The following RBFOX1 variants were observed in gnomAD, a reference collection of about 807,000 sequenced individuals.
The protein encoded by RBFOX1 is RNA binding fox-1 homolog 1, also known as RNA binding protein fox-1 homolog 1.
RBFOX1 carries 8 observed loss-of-function variants against 57.7 expected under a neutral mutation model. That is an observed-to-expected ratio of 0.14 (90% CI 0.08 to 0.25). RBFOX1 has a LOEUF of 0.25. Among genes scored for constraint, RBFOX1 ranks in the 10% least tolerant of loss-of-function variants. RBFOX1 has a pLI of 1.00. For synonymous variants in RBFOX1, 326 were observed against 222.4 expected (o/e 1.47, Z -4.15); for missense variants, 611 against 548.5 (o/e 1.11, Z -1.14).
chr16:6,099,505 T>A (rs1188976770), intron 1 of RBFOX1, among the ~76,000 whole-genome samples: 1 of 152,202 alleles, frequency 6.6e-6, no homozygotes, highest in Non-Finnish European at 1.5e-5. Flanking sequence ...GAATGCTGAT[T>A]GCTGATTGCC....
intron 4 of RBFOX1, among the ~76,000 whole-genome samples, chr16:5,910,959 T>C (rs903415376): frequency 1.3e-5 from 2 of 152,156 alleles, no homozygotes; most frequent in Non-Finnish European, 2.9e-5. Flanking sequence ...GGGATCAAGC[T>C]TCGTTTACCC....
chr16:6,140,937 A>G (rs548392772), intron 1 of RBFOX1, among the ~76,000 whole-genome samples: 1 of 152,302 alleles, frequency 6.6e-6, no homozygotes, highest in African/African-American at 2.4e-5. Context: ...CCAGTGGTCA[A>G]TGTGTAGTCT....
chr16:5,290,587 A>T (rs1012321847), intron 1 of RBFOX1, among the ~76,000 whole-genome samples: 10 of 152,344 alleles, frequency 6.6e-5, no homozygotes, highest in African/African-American at 2.4e-4. Context: ...TCTTCCTTGA[A>T]GAGATGACAC....
At chr16:7,499,301 C>T (rs1009065833) in intron 4 of RBFOX1, among the ~76,000 whole-genome samples, 1 of 152,136 alleles carries the variant, frequency 6.6e-6, no homozygotes, top group Admixed American at 6.5e-5. Context: ...GTATGCATAT[C>T]TGTGTCCACA....
chr16:5,668,074 A>C (rs530720437), intron 3 of RBFOX1, among the ~76,000 whole-genome samples: 33 of 152,304 alleles, frequency 2.2e-4, no homozygotes, highest in African/African-American at 7.5e-4. Context: ...AAAGGCCAGG[A>C]ATTCAGGACC....
chr16:6,993,718 G>C (rs1468866523), intron 3 of RBFOX1, among the ~76,000 whole-genome samples: 2 of 152,072 alleles, frequency 1.3e-5, no homozygotes, highest in Admixed American at 1.3e-4. Context: ...AATCCAATTT[G>C]CGTGTGTTTG....
chr16:6,217,030 C>G (rs920957890), intron 1 of RBFOX1, among the ~76,000 whole-genome samples: 1 of 152,160 alleles, frequency 6.6e-6, no homozygotes, highest in Non-Finnish European at 1.5e-5. Context: ...AAAGAAAGCC[C>G]TCTTCAGGTA....
At chr16:7,335,616 G>C (rs929108739) in intron 4 of RBFOX1, among the ~76,000 whole-genome samples, 10 of 143,734 alleles carry the variant, frequency 7.0e-5, no homozygotes, top group African/African-American at 2.6e-4. Flanking sequence ...AAAACCAAGT[G>C]ATTTACCAGT....
In RBFOX1 at chr16:5,759,063, C is replaced by G. The variant is rs142477639; in HGVS notation, c.319-108240C>G. Among the ~76,000 whole-genome samples the G allele has an allele frequency of 4.4e-3, 664 of 152,278 alleles. 4 individuals carry two copies. The highest frequency in any genetic ancestry group is 0.015 in the African/African-American group (628 of 41,544). On this transcript the variant is annotated intron_variant, in intron 3 of 19. Coordinates refer to the RBFOX1 transcript ENST00000641259. ...CCATTTGAACCTCCATTTCTACTTC[C>G]ATAAAATGGGGAGGCTACTAGTATA...
intron 7 of RBFOX1, among the ~76,000 whole-genome samples, chr16:7,589,170 C>T (rs140479663): frequency 6.6e-6 from 1 of 152,148 alleles, no homozygotes; most frequent in Non-Finnish European, 1.5e-5. Context: ...TGTAGATGAC[C>T]CGAATGTTGA....
intron 3 of RBFOX1, among the ~76,000 whole-genome samples, chr16:5,682,813 CA>C (rs1298046030): frequency 6.6e-6 from 1 of 152,200 alleles, no homozygotes; most frequent in Admixed American, 6.5e-5. Flanking sequence ...CCAGAACTGG[CA>C]GTCTGATATG....
chr16:5,686,940 C>T (rs1015533487), intron 3 of RBFOX1, among the ~76,000 whole-genome samples: 6 of 152,120 alleles, frequency 3.9e-5, no homozygotes, highest in Admixed American at 3.3e-4. Flanking sequence ...TCGAATACTT[C>T]ATCTTTGTAG....
At chr16:6,693,384 C>G (rs971863342) in intron 3 of RBFOX1, among the ~76,000 whole-genome samples, 3 of 149,270 alleles carry the variant, frequency 2.0e-5, no homozygotes, top group African/African-American at 4.9e-5. Context: ...TCCTACTCCA[C>G]TAGAATCACC....
chr16:7,238,835 C>G (rs944149971), intron 4 of RBFOX1, among the ~76,000 whole-genome samples: 3 of 152,138 alleles, frequency 2.0e-5, no homozygotes, highest in South Asian at 2.1e-4. Context: ...TTGTTCCCCT[C>G]TATGTGTCCA....
At position 7,012,678 on chromosome 16, in the gene RBFOX1, C is replaced by T. The variant is rs1334902273; in HGVS notation, c.-15-39379C>T. Among the ~76,000 whole-genome samples the T allele has an allele frequency of 2.0e-5, 3 of 152,266 alleles. No individual in the cohort carries two copies. The South Asian group carries it at 6.2e-4, about 32-fold the overall frequency. On this transcript the variant is annotated intron_variant, in intron 3 of 15. Transcript: ENST00000550418. ...TTATTATGGGACAATTAATTTTAAG[C>T]TGACTTTATCAGCAAAGGGAGGCCA...
At chr16:5,621,187 G>A (rs757429215) in intron 3 of RBFOX1, among the ~76,000 whole-genome samples, 5 of 152,040 alleles carry the variant, frequency 3.3e-5, no homozygotes, top group Non-Finnish European at 7.4e-5. Context: ...TGTGTTTCCC[G>A]GCTGGTCTCA....
At chr16:7,339,798 G>A (rs1430618621) in intron 4 of RBFOX1, among the ~76,000 whole-genome samples, 2 of 152,066 alleles carry the variant, frequency 1.3e-5, no homozygotes, top group East Asian at 3.9e-4. Context: ...AAGTCCTATT[G>A]GTTAAAGGGG....
At chr16:6,601,462 T>A (rs9924943) in intron 2 of RBFOX1, among the ~76,000 whole-genome samples, 135,390 of 152,060 alleles carry the variant, frequency 0.89, 62,410 homozygotes, top group East Asian at 1. Flanking sequence ...CTCTCCTCTT[T>A]GAGAAATTTT....
rs144519735 is a variant in RBFOX1, at chr16:6,316,978, C to T, written c.-126-17C>T. The T allele has an allele frequency of 1.9e-4, 296 of 1,532,790 alleles. 1 individual carries two copies. In the African/African-American group the frequency reaches 3.2e-3, roughly 16 times the overall value. 94.9% of individuals were successfully genotyped at this position (1,532,790 alleles called of 1,614,324 possible). A position where few individuals can be genotyped will look rare whatever the true frequency, so the allele number is the denominator to read the frequency against. On this transcript the variant is annotated splice_polypyrimidine_tract_variant and intron_variant, in intron 1 of 15. Transcript: ENST00000550418. ...ACATTTCTTGATACTAAAGTCATTC[C>T]CCTTTTTCTTCTTTAGGAAACTGGT...
Sources: gnomAD v4.1 joint callset for allele counts (sites outside exome capture counted in the v4.1 genomes callset) on GRCh38, gnomAD v4.1.1 for gene constraint, MANE v1.5 for transcripts, NCBI Gene and HGNC (gene_info 2026-07-23, HGNC 2026-07-21) for gene names.